STX18: variants seen among roughly 807,000 people sequenced by gnomAD.
STX18 encodes syntaxin-18.
STX18 carries 40 observed loss-of-function variants against 50.1 expected under a neutral mutation model. That is an observed-to-expected ratio of 0.80 (90% CI 0.62 to 1.04). The LOEUF (loss-of-function observed/expected upper bound fraction) is 1.04, where lower values mean the gene tolerates loss of function less well. Ranked by LOEUF, STX18 falls within the 50% of genes least tolerant of loss-of-function variation. STX18 has a pLI of 0.00. For missense variants in STX18, 410 were observed against 415.8 expected (o/e 0.99, Z 0.12); for synonymous variants, 158 against 151.8 (o/e 1.04, Z -0.30).
intron 8 of STX18, among the ~76,000 whole-genome samples, chr4:4,424,864 C>T (rs1285809715): frequency 2.0e-5 from 3 of 152,088 alleles, no homozygotes; most frequent in Non-Finnish European, 2.9e-5. Flanking sequence ...GGAAACAGCC[C>T]GAATGGTGGT....
intron 1 of STX18, among the ~76,000 whole-genome samples, chr4:4,477,236 G>A (rs542672473): frequency 6.6e-5 from 10 of 151,974 alleles, no homozygotes; most frequent in Non-Finnish European, 1.5e-4. Context: ...AGCGAGACTC[G>A]GTCTCAAAAC....
rs908387250 is a variant in STX18, at chr4:4,519,053, A to G, written c.168+22744T>C. Among the ~76,000 whole-genome samples the G allele has an allele frequency of 3.9e-5, 6 of 152,212 alleles. No individual in the cohort carries two copies. The South Asian group carries it at 1.0e-3, about 26-fold the overall frequency. The stretch of plus-strand genomic sequence containing the variant: ...CAAACCACTCCTCATAAAAACTGCT[A>G]TAATTTTCTAGGACAGAGACAATAA... On this transcript the variant is annotated intron_variant, in intron 1 of 10. Coordinates refer to ENST00000306200, the MANE Select transcript of STX18 (RefSeq NM_016930.4).
chr4:4,425,085 C>T (rs2108772416), intron 8 of STX18, 79 bp downstream of exon 8: 1 of 1,351,932 alleles, frequency 7.4e-7, no homozygotes, highest in Non-Finnish European at 1.1e-6. Flanking sequence ...GATGCCTGGG[C>T]ACCAAGGTAA....
intron 1 of STX18, among the ~76,000 whole-genome samples, chr4:4,486,012 G>A (rs932623804): frequency 3.9e-5 from 6 of 152,154 alleles, no homozygotes; most frequent in African/African-American, 1.4e-4. Context: ...GGCAGAGGGC[G>A]GGGACAGCGC....
chr4:4,436,848 C>T (rs1021063454), intron 6 of STX18, among the ~76,000 whole-genome samples: 3 of 152,222 alleles, frequency 2.0e-5, no homozygotes, highest in Non-Finnish European at 4.4e-5. Flanking sequence ...CTATATCCCA[C>T]CCAATCTCCA....
At position 4,420,947 on chromosome 4, in the gene STX18, G is replaced by A. The variant is rs761307565; in HGVS notation, c.832-3C>T. 8 of 1,613,730 alleles carry A rather than the reference G, an allele frequency of 5.0e-6. No individual in the cohort carries two copies. The highest frequency in any genetic ancestry group is 3.3e-5 in the South Asian group (3 of 91,076). The stretch of plus-strand genomic sequence containing the variant: ...TGAATGCTGTCAATCTCAGCTTCCT[G>A]TGGAAGAAAAGATAAATACAAGTTG... On this transcript the variant is annotated splice_polypyrimidine_tract_variant and splice_region_variant and intron_variant, in intron 9 of 10. Transcript: ENST00000306200. This position sits in a 1 kb window ranked among gnomAD's most constrained non-coding sequence, Gnocchi z 4.3.
At chr4:4,536,636 G>C (rs1417293901) in intron 1 of STX18, among the ~76,000 whole-genome samples, 3 of 152,176 alleles carry the variant, frequency 2.0e-5, no homozygotes, top group Admixed American at 1.3e-4. Context: ...AGCTGGAGTA[G>C]AGTGAGCAAA....
At chr4:4,426,914 T>C (rs981443944) in intron 7 of STX18, among the ~76,000 whole-genome samples, 2 of 152,170 alleles carry the variant, frequency 1.3e-5, no homozygotes, top group African/African-American at 4.8e-5. Flanking sequence ...GACAGGCTAG[T>C]TTCCTGCCTG....
In STX18 at chr4:4,522,843, G is replaced by A. The variant is rs191482103; in HGVS notation, c.168+18954C>T. The stretch of plus-strand genomic sequence containing the variant: ...GCATTGTTGCATTGGAACTAGCAGA[G>A]TTTCCAGAAAATCAAATTATTTAAG... On this transcript the variant is annotated intron_variant, in intron 1 of 10. Coordinates refer to ENST00000306200, the MANE Select transcript of STX18 (RefSeq NM_016930.4). Among the ~76,000 whole-genome samples, 666 of 152,268 alleles carry A rather than the reference G, an allele frequency of 4.4e-3. 3 individuals are homozygous for A. The highest frequency in any genetic ancestry group is 0.015 in the African/African-American group (625 of 41,554).
intron 5 of STX18, among the ~76,000 whole-genome samples, chr4:4,453,020 G>A (rs917261459): frequency 1.3e-5 from 2 of 152,170 alleles, no homozygotes; most frequent in Admixed American, 6.5e-5. Flanking sequence ...GCAATCTCAC[G>A]ATCACACTTG....
rs1018872872 is a variant in STX18, at chr4:4,542,031, C to T, written c.-67G>A. ...AAGCAGCCGGCGACCGCGGCGCGAA[C>T]CCGGCCGCTGAAGGACTGGTCCTGC... On this transcript the variant is annotated 5_prime_UTR_variant, in exon 1 of 11. Transcript: ENST00000306200. 21 of 1,470,466 alleles carry T rather than the reference C, an allele frequency of 1.4e-5. No individual in the cohort carries two copies. The African/African-American group carries it at 2.0e-4, about 14-fold the overall frequency. 91.1% of individuals were successfully genotyped at this position (1,470,466 alleles called of 1,614,324 possible).
intron 1 of STX18, among the ~76,000 whole-genome samples, chr4:4,494,206 TTAAC>T (rs1337750385): frequency 9.2e-5 from 14 of 152,332 alleles, no homozygotes; most frequent in Non-Finnish European, 1.3e-4. Flanking sequence ...AAAGTATTTA[TTAAC>T]TATTTGTACA....
At chr4:4,501,760 G>A (rs759943567) in intron 1 of STX18, among the ~76,000 whole-genome samples, 29 of 152,128 alleles carry the variant, frequency 1.9e-4, no homozygotes, top group African/African-American at 6.0e-4. Flanking sequence ...ACTTAAATAC[G>A]AATGCCATAC....
chr4:4,499,408 A>T, intron 1 of STX18: 1 of 753,538 alleles, frequency 1.3e-6, no homozygotes, highest in Non-Finnish European at 1.6e-6. Flanking sequence ...AAGATTTTTC[A>T]AAGATTCTGA....
intron 5 of STX18, among the ~76,000 whole-genome samples, chr4:4,439,990 CCAGATTCTGGATT>C (rs1726022525): frequency 6.6e-6 from 1 of 152,180 alleles, no homozygotes; most frequent in African/African-American, 2.4e-5. Flanking sequence ...CTCCTAGATC[CCAGATTCTGGATT>C]AGTGCCTGGT....
At chr4:4,473,483 C>A (rs1239144101) in intron 1 of STX18, among the ~76,000 whole-genome samples, 1 of 151,828 alleles carries the variant, frequency 6.6e-6, no homozygotes, top group African/African-American at 2.4e-5. Flanking sequence ...TTAATAGAGA[C>A]GGGGTTTCAC....
intron 1 of STX18, among the ~76,000 whole-genome samples, chr4:4,505,662 A>G (rs1468532844): frequency 6.6e-6 from 1 of 151,868 alleles, no homozygotes; most frequent in Non-Finnish European, 1.5e-5. Context: ...GGTGGTGCAC[A>G]TCTGTAATCC....
At chr4:4,530,870 G>A (rs1731060114) in intron 1 of STX18, among the ~76,000 whole-genome samples, 1 of 152,078 alleles carries the variant, frequency 6.6e-6, no homozygotes, top group Admixed American at 6.5e-5. Context: ...GCCTCCCAAA[G>A]TACTGGGATT....
intron 1 of STX18, among the ~76,000 whole-genome samples, chr4:4,509,332 A>G (rs966150271): frequency 1.6e-4 from 24 of 151,514 alleles, no homozygotes; most frequent in Admixed American, 3.3e-4. Flanking sequence ...GCTTTTTTTC[A>G]TATGTTTGCT....
Sources: gnomAD v4.1 joint callset for allele counts (sites outside exome capture counted in the v4.1 genomes callset) on GRCh38, gnomAD v4.1.1 for gene constraint, Gnocchi (gnomAD v3.1) non-coding constraint, MANE v1.5 for transcripts, NCBI Gene and HGNC (gene_info 2026-07-23, HGNC 2026-07-21) for gene names.